DZIP1L: variants seen among roughly 807,000 people sequenced by gnomAD.
DZIP1L encodes DAZ interacting zinc finger protein 1 like.
Under a neutral mutation model 88.7 loss-of-function variants are expected in DZIP1L, and 90 were observed. The ratio of observed to expected loss-of-function variants is 1.02; its 90% CI spans 0.86 to 1.21. DZIP1L has a LOEUF of 1.21. Among genes scored for constraint, DZIP1L ranks in the 50% most tolerant of loss-of-function variants. DZIP1L has a pLI of 0.00. For synonymous variants in DZIP1L, 363 were observed against 372.1 expected (o/e 0.98, Z 0.28); for missense variants, 932 against 955.8 (o/e 0.98, Z 0.33).
chr3:138,068,010 G>T, intron 13 of DZIP1L, 141 bp downstream of exon 13: 1 of 781,600 alleles, frequency 1.3e-6, no homozygotes, highest in Non-Finnish European at 1.8e-6. Flanking sequence ...GCTCAGACTG[G>T]ACCCCACCTG....
At chr3:138,098,819 G>A (rs540158945) in intron 2 of DZIP1L, among the ~76,000 whole-genome samples, 3 of 152,066 alleles carry the variant, frequency 2.0e-5, no homozygotes, top group Non-Finnish European at 4.4e-5. Context: ...ATATCATAAC[G>A]ATTCCTTCTG....
At chr3:138,072,834 G>T (rs143643777) in intron 11 of DZIP1L, among the ~76,000 whole-genome samples, 1 of 152,182 alleles carries the variant, frequency 6.6e-6, no homozygotes, top group Admixed American at 6.5e-5. Flanking sequence ...GGCACAGTGC[G>T]AGTGAGACCG....
chr3:138,091,453 A>G (rs567083650), intron 5 of DZIP1L, among the ~76,000 whole-genome samples: 1 of 151,828 alleles, frequency 6.6e-6, no homozygotes, highest in East Asian at 2.0e-4. Context: ...CCCCGTCTCT[A>G]TGAAAAATAC....
rs112260596 is a variant in DZIP1L, at chr3:138,102,763, C to T, written c.501+708G>A. On this transcript the variant is annotated intron_variant, in intron 2 of 15. Transcript: ENST00000327532. Reference sequence around the variant, plus strand: ...CATGCCACTGGCCCCACCATAGCCTCCGCCCAGGTCACCCCGGAAGCTGCT... The same window carrying T: ...CATGCCACTGGCCCCACCATAGCCTTCGCCCAGGTCACCCCGGAAGCTGCT... 512 of 773,788 alleles carry T rather than the reference C, an allele frequency of 6.6e-4. 1 individual carries two copies. In the African/African-American group the frequency reaches 7.7e-3, roughly 12 times the overall value. The allele number at this position is 773,788 out of a possible 1,614,324, so 47.9% of individuals were successfully genotyped here. A position where few individuals can be genotyped will look rare whatever the true frequency, so the allele number is the denominator to read the frequency against.
chr3:138,075,416 T>C (rs1322004265), intron 11 of DZIP1L, among the ~76,000 whole-genome samples: 2 of 152,230 alleles, frequency 1.3e-5, no homozygotes, highest in East Asian at 3.9e-4. Flanking sequence ...ACAAAACAAG[T>C]CTCAGTAAAC....
intron 5 of DZIP1L, chr3:138,089,019 G>C (rs1020744839): frequency 2.0e-6 from 2 of 985,276 alleles, no homozygotes; most frequent in Non-Finnish European, 2.4e-6. Context: ...TGAAGAAAAA[G>C]GTACAGAAAA....
intron 12 of DZIP1L, among the ~76,000 whole-genome samples, chr3:138,069,942 C>T (rs557520679): frequency 1.7e-4 from 26 of 152,326 alleles, no homozygotes; most frequent in African/African-American, 6.3e-4. Flanking sequence ...TCAGTAACAT[C>T]TCCAGAGAAG....
intron 12 of DZIP1L, among the ~76,000 whole-genome samples, chr3:138,070,684 C>T (rs1040355860): frequency 1.3e-5 from 2 of 152,200 alleles, no homozygotes; most frequent in Non-Finnish European, 2.9e-5. Context: ...CTCAGAGATA[C>T]GTGGGCCATA....
At chr3:138,102,958 G>A (rs1236376747) in intron 2 of DZIP1L, 5 of 511,710 alleles carry the variant, frequency 9.8e-6, no homozygotes, top group Non-Finnish European at 1.8e-5. Context: ...GAACCAGGCG[G>A]AGATTCCAGA....
chr3:138,091,007 C>A (rs1162665933), intron 5 of DZIP1L, among the ~76,000 whole-genome samples: 1 of 151,630 alleles, frequency 6.6e-6, no homozygotes, highest in Non-Finnish European at 1.5e-5. Context: ...CCTCAGCCTC[C>A]CAAGCAGCTG....
intron 1 of DZIP1L, among the ~76,000 whole-genome samples, chr3:138,114,692 G>C (rs142423810): frequency 4.8e-4 from 73 of 152,182 alleles, no homozygotes; most frequent in African/African-American, 1.5e-3. Context: ...TAGGCCCTGG[G>C]CCCCTAGGAA....
At chr3:138,074,445 G>A (rs1943310022) in intron 11 of DZIP1L, among the ~76,000 whole-genome samples, 1 of 152,152 alleles carries the variant, frequency 6.6e-6, no homozygotes. Flanking sequence ...CAAGAATTTT[G>A]TATCCAGTGA....
At chr3:138,101,955 A>G (rs937244628) in intron 2 of DZIP1L, 13 of 1,537,502 alleles carry the variant, frequency 8.5e-6, no homozygotes, top group African/African-American at 8.2e-5. Flanking sequence ...GAGGCCCTCA[A>G]TCTCAGCCTG....
chr3:138,091,114 C>A (rs572984284), intron 5 of DZIP1L, among the ~76,000 whole-genome samples: 2 of 151,794 alleles, frequency 1.3e-5, no homozygotes, highest in Non-Finnish European at 2.9e-5. Context: ...CCCACCTTGG[C>A]CTCCCAAAGT....
intron 2 of DZIP1L, chr3:138,101,697 A>G (rs2042317418): frequency 3.7e-6 from 3 of 814,228 alleles, no homozygotes. Context: ...TGGTCTTTGT[A>G]TGGATACTTG....
At chr3:138,102,852 G>A in intron 2 of DZIP1L, 1 of 692,898 alleles carries the variant, frequency 1.4e-6, no homozygotes, top group South Asian at 1.5e-5. Flanking sequence ...TGTAGAAGCA[G>A]CTGCTGAAGA....
At chr3:138,108,844 A>G (rs1250656808) in intron 1 of DZIP1L, among the ~76,000 whole-genome samples, 1 of 152,212 alleles carries the variant, frequency 6.6e-6, no homozygotes, top group Non-Finnish European at 1.5e-5. Context: ...CTCATTCTCC[A>G]TCTTATTGTC....
chr3:138,112,597 CGAA>C (rs2042636194), intron 1 of DZIP1L: 1 of 152,152 alleles, frequency 6.6e-6, no homozygotes, highest in Admixed American at 6.5e-5. Flanking sequence ...TTTTTTCAGA[CGAA>C]TTGTGAGCAG....
At chr3:138,071,240 C>G (rs888010599) in intron 12 of DZIP1L, among the ~76,000 whole-genome samples, 1 of 152,204 alleles carries the variant, frequency 6.6e-6, no homozygotes, top group African/African-American at 2.4e-5. Flanking sequence ...TGCCTGCCTC[C>G]CCAGGCTGGC....
Sources: gnomAD v4.1 joint callset for allele counts (sites outside exome capture counted in the v4.1 genomes callset) on GRCh38, gnomAD v4.1.1 for gene constraint, MANE v1.5 for transcripts, NCBI Gene and HGNC (gene_info 2026-07-23, HGNC 2026-07-21) for gene names.